Variants in CCDC93 observed in about 807,000 individuals in gnomAD.
CCDC93 encodes coiled-coil domain-containing protein 93.
CCDC93 carries 61 observed loss-of-function variants against 108.2 expected under a neutral mutation model. The observed-to-expected ratio is 0.56, with a 90% CI of 0.46 to 0.70. The LOEUF is 0.70. Ranked by LOEUF, CCDC93 falls within the 30% of genes least tolerant of loss-of-function variation. CCDC93 has a pLI of 0.00. For missense variants in CCDC93, 685 were observed against 764.2 expected, an observed-to-expected ratio of 0.90 and a Z score of 1.22; for synonymous variants, 276 against 260.4, an observed-to-expected ratio of 1.06 and a Z score of -0.58.
intron 11 of CCDC93, among the ~76,000 whole-genome samples, chr2:117,960,987 G>C (rs1339848116): frequency 2.6e-5 from 4 of 152,084 alleles, no homozygotes; most frequent in Non-Finnish European, 1.5e-5. Context: ...AAGCTATTGA[G>C]TCCTCAGTTA....
intron 11 of CCDC93, among the ~76,000 whole-genome samples, chr2:117,972,398 GAC>G (rs1192761033): frequency 2.0e-5 from 3 of 152,186 alleles, no homozygotes; most frequent in Admixed American, 6.5e-5. Context: ...AGGAGATAAA[GAC>G]ACAGAGAGAT....
At chr2:117,978,153 G>C (rs542622141) in intron 7 of CCDC93, 123 bp from the exon 8 acceptor site, 21 of 864,716 alleles carry the variant, frequency 2.4e-5, no homozygotes, top group Admixed American at 4.0e-5. Flanking sequence ...TTGGTGACTT[G>C]AGAAAACGTT....
rs2104835009 is a variant in CCDC93, at chr2:118,008,665, T to C, written c.43-7A>G. Reference sequence around the variant, plus strand: ...CATCTTCTCTTGTTTCCACCTAAAATAAAAGGTAAAACTTTGGCTGGTAAA... The same window carrying C: ...CATCTTCTCTTGTTTCCACCTAAAACAAAAGGTAAAACTTTGGCTGGTAAA... On this transcript the variant is annotated splice_polypyrimidine_tract_variant and splice_region_variant and intron_variant, in intron 1 of 23. Transcript: ENST00000376300. The C allele has an allele frequency of 6.3e-7, 1 of 1,579,902 alleles. No individual in the cohort carries two copies. The highest frequency in any genetic ancestry group is 8.7e-7 in the Non-Finnish European group (1 of 1,150,412).
chr2:117,949,457 C>A lies in CCDC93; in HGVS notation c.1069-62G>T, dbSNP rs753036676. 1.7e-5 allele frequency: 20 copies of A among 1,200,526 alleles called. No homozygotes were observed. The South Asian group carries it at 2.6e-4, about 15-fold the overall frequency. 74.4% of individuals were successfully genotyped at this position (1,200,526 alleles called of 1,614,324 possible). A position where few individuals can be genotyped will look rare whatever the true frequency, so the allele number is the denominator to read the frequency against. ...TGGTAGCAGAGGTGAACAACTTCAC[C>A]TTCTTTTTGTGAGGCAGATAATGAC... On this transcript the variant is annotated intron_variant, in intron 13 of 23. Transcript: ENST00000376300.
At chr2:117,925,859 T>C (rs1206105571) in intron 23 of CCDC93, among the ~76,000 whole-genome samples, 2 of 152,162 alleles carry the variant, frequency 1.3e-5, no homozygotes, top group South Asian at 2.1e-4. Context: ...ATTGACCACA[T>C]AGATGGAAGT....
chr2:117,983,633 TATATATATATATATA>T (rs1558795344), intron 7 of CCDC93, among the ~76,000 whole-genome samples: 8,649 of 115,542 alleles, frequency 0.075, 458 homozygotes, highest in Admixed American at 0.11. Context: ...CTCAAAATTA[TATATATATATATATA>T]TATATATATA....
intron 22 of CCDC93, among the ~76,000 whole-genome samples, chr2:117,932,626 C>T (rs1354414259): frequency 6.6e-6 from 1 of 152,212 alleles, no homozygotes; most frequent in Non-Finnish European, 1.5e-5. Flanking sequence ...TCCCTTGTGC[C>T]TAGGTCTCCC....
At chr2:117,920,795 T>A (rs1465552319) in intron 23 of CCDC93, among the ~76,000 whole-genome samples, 1 of 152,180 alleles carries the variant, frequency 6.6e-6, no homozygotes, top group Non-Finnish European at 1.5e-5. Flanking sequence ...AGCCCTAGTT[T>A]ACATAGCAGG....
At chr2:117,959,793 T>G (rs1297998725) in intron 11 of CCDC93, among the ~76,000 whole-genome samples, 1 of 152,240 alleles carries the variant, frequency 6.6e-6, no homozygotes, top group East Asian at 1.9e-4. Context: ...TGGGACTGTG[T>G]AAAATGTCAA....
chr2:118,004,068 C>G (rs1055117874), intron 3 of CCDC93, among the ~76,000 whole-genome samples: 8 of 152,308 alleles, frequency 5.3e-5, no homozygotes, highest in Admixed American at 1.3e-4. Flanking sequence ...CCACTGCAAA[C>G]AGCTTGAAAG....
intron 13 of CCDC93, 32 bp downstream of exon 13, chr2:117,952,341 G>A (rs767259288): frequency 3.5e-6 from 5 of 1,444,054 alleles, no homozygotes; most frequent in Non-Finnish European, 4.9e-6. Context: ...CTTGACAAGG[G>A]CCCACAGAAG....
At chr2:117,979,952 G>A (rs1680063529) in intron 7 of CCDC93, among the ~76,000 whole-genome samples, 1 of 152,238 alleles carries the variant, frequency 6.6e-6, no homozygotes, top group Non-Finnish European at 1.5e-5. Flanking sequence ...AAAGAGGGAA[G>A]CATAAAGGAT....
chr2:117,937,871 T>A (rs1038598905), intron 20 of CCDC93, among the ~76,000 whole-genome samples: 2 of 152,058 alleles, frequency 1.3e-5, no homozygotes, highest in Non-Finnish European at 2.9e-5. Flanking sequence ...CAGAAAAAAA[T>A]AAAACAGCTT....
At chr2:117,965,073 T>C (rs1345262074) in intron 11 of CCDC93, among the ~76,000 whole-genome samples, 4 of 152,166 alleles carry the variant, frequency 2.6e-5, no homozygotes, top group Non-Finnish European at 5.9e-5. Flanking sequence ...GCAACACCTA[T>C]TATGTTATGT....
At chr2:117,947,755 G>A (rs3771940) in intron 15 of CCDC93, among the ~76,000 whole-genome samples, 22,904 of 148,414 alleles carry the variant, frequency 0.15, 1,997 homozygotes, top group South Asian at 0.22. Flanking sequence ...GTGCAGTGGC[G>A]TGATCTTGGC....
chr2:117,922,206 C>CTG (rs796324354), intron 23 of CCDC93, among the ~76,000 whole-genome samples: 17 of 152,280 alleles, frequency 1.1e-4, no homozygotes, highest in African/African-American at 3.8e-4. Flanking sequence ...CCGTGGGGAA[C>CTG]TGTGTGTGTC....
At chr2:117,958,904 A>G (rs1031990536) in intron 11 of CCDC93, among the ~76,000 whole-genome samples, 7 of 152,248 alleles carry the variant, frequency 4.6e-5, no homozygotes, top group Admixed American at 1.3e-4. Context: ...CTAGCCATTC[A>G]GCAGCACTTA....
chr2:117,993,093 C>T (rs957004056), intron 6 of CCDC93, among the ~76,000 whole-genome samples: 2 of 152,032 alleles, frequency 1.3e-5, no homozygotes, highest in Non-Finnish European at 2.9e-5. Flanking sequence ...TTCGATTAAG[C>T]ATTAAAAATT....
intron 7 of CCDC93, among the ~76,000 whole-genome samples, chr2:117,979,236 C>T (rs1213672683): frequency 6.6e-6 from 1 of 152,154 alleles, no homozygotes; most frequent in African/African-American, 2.4e-5. Context: ...TCTTCCATGG[C>T]TCAGCCTAAC....
Sources: gnomAD v4.1 joint callset for allele counts (sites outside exome capture counted in the v4.1 genomes callset) on GRCh38, gnomAD v4.1.1 for gene constraint, MANE v1.5 for transcripts, NCBI Gene and HGNC (gene_info 2026-07-23, HGNC 2026-07-21) for gene names.